Variants in CSMD1 observed in about 807,000 individuals in gnomAD.
CSMD1 encodes CUB and sushi domain-containing protein 1.
Under a neutral mutation model 417.5 loss-of-function variants are expected in CSMD1, and 213 were observed. The ratio of observed to expected loss-of-function variants is 0.51; its 90% CI spans 0.46 to 0.57. The LOEUF is 0.57. CSMD1 is among the 20% of genes least tolerant of loss of function. The pLI, the probability that CSMD1 is intolerant of heterozygous loss-of-function variation, is 0.00. For synonymous variants in CSMD1, 2,862 were observed against 1,736.8 expected (o/e 1.65, Z -16.11); for missense variants, 6,923 against 4,529.7 (o/e 1.53, Z -15.17).
At position 4,028,808 on chromosome 8, in the gene CSMD1, C is replaced by G. The variant is rs117296343; in HGVS notation, c.610+3097G>C. Among the ~76,000 whole-genome samples, 177 of 152,266 alleles carry G rather than the reference C, an allele frequency of 1.2e-3. 2 individuals carry two copies. The East Asian group carries it at 0.032, about 28-fold the overall frequency. On this transcript the variant is annotated intron_variant, in intron 4 of 69. Transcript: ENST00000635120. ...AAGTTTTTAGCAAATTTTCTGGCATCTCATTAAGACCTCAATAAATGTTAG... is the reference window on the plus strand; with the variant it reads ...AAGTTTTTAGCAAATTTTCTGGCATGTCATTAAGACCTCAATAAATGTTAG...
At chr8:3,168,714 CTG>C (rs1820389391) in intron 37 of CSMD1, among the ~76,000 whole-genome samples, 2 of 151,664 alleles carry the variant, frequency 1.3e-5, no homozygotes, top group Non-Finnish European at 2.9e-5. Context: ...AGAAAAGAAA[CTG>C]TTTTATTTAT....
intron 1 of CSMD1, among the ~76,000 whole-genome samples, chr8:4,780,958 C>A (rs949103789): frequency 6.6e-6 from 1 of 152,170 alleles, no homozygotes; most frequent in Non-Finnish European, 1.5e-5. Flanking sequence ...CAAGCAATGA[C>A]CTGTTTTTGT....
At chr8:3,808,964 C>T (rs1035759309) in intron 5 of CSMD1, among the ~76,000 whole-genome samples, 1 of 152,084 alleles carries the variant, frequency 6.6e-6, no homozygotes, top group African/African-American at 2.4e-5. Flanking sequence ...GCAAGAAGAG[C>T]CAAGGCACTG....
intron 50 of CSMD1, among the ~76,000 whole-genome samples, chr8:3,031,987 T>TACACAC: frequency 6.6e-6 from 1 of 150,800 alleles, no homozygotes; most frequent in South Asian, 2.1e-4. Flanking sequence ...TATATATATA[T>TACACAC]ATACACATAA....
intron 5 of CSMD1, among the ~76,000 whole-genome samples, chr8:3,925,314 T>C (rs1351893945): frequency 6.6e-6 from 1 of 152,252 alleles, no homozygotes; most frequent in Non-Finnish European, 1.5e-5. Flanking sequence ...CAGAGTAAAG[T>C]ACTTGTGCAT....
At chr8:4,439,568 A>G (rs1248945386) in intron 2 of CSMD1, among the ~76,000 whole-genome samples, 3 of 152,194 alleles carry the variant, frequency 2.0e-5, no homozygotes, top group African/African-American at 7.2e-5. Context: ...CTATCTGCTG[A>G]AAATACATAT....
intron 11 of CSMD1, among the ~76,000 whole-genome samples, chr8:3,473,952 A>G (rs1334102742): frequency 6.6e-6 from 1 of 152,114 alleles, no homozygotes; most frequent in Non-Finnish European, 1.5e-5. Flanking sequence ...TGAGGGAGGA[A>G]ATGTCAAACA....
Position 3,288,977 on chromosome 8 carries a change from T to G in CSMD1, c.3951-4631A>C, listed in dbSNP as rs1803353936. Among the ~76,000 whole-genome samples, 3 of 144,626 alleles carry G rather than the reference T, an allele frequency of 2.1e-5. No individual in the cohort carries two copies. The South Asian group carries it at 6.3e-4, about 30-fold the overall frequency. The allele number at this position is 144,626 out of a possible 152,430, so 94.9% of individuals were successfully genotyped here. A position where few individuals can be genotyped will look rare whatever the true frequency, so the allele number is the denominator to read the frequency against. ...ATCTCCTAATGCTATCCCTCCCCACTCCCCCTACCCCACAACAGTCCCCGG... is the reference window on the plus strand; with the variant it reads ...ATCTCCTAATGCTATCCCTCCCCACGCCCCCTACCCCACAACAGTCCCCGG... On this transcript the variant is annotated intron_variant, in intron 25 of 69. Coordinates refer to ENST00000635120, the MANE Select transcript of CSMD1 (RefSeq NM_033225.6).
At chr8:4,358,901 C>G (rs748440326) in intron 3 of CSMD1, among the ~76,000 whole-genome samples, 1 of 152,042 alleles carries the variant, frequency 6.6e-6, no homozygotes, top group African/African-American at 2.4e-5. Context: ...AACTACAGGA[C>G]AGTGAACCTT....
intron 5 of CSMD1, among the ~76,000 whole-genome samples, chr8:3,785,500 T>C (rs1395930487): frequency 1.3e-5 from 2 of 152,190 alleles, no homozygotes; most frequent in African/African-American, 4.8e-5. Flanking sequence ...GGAAAATACA[T>C]TAACGGCAGT....
intron 50 of CSMD1, among the ~76,000 whole-genome samples, chr8:3,041,390 C>T (rs1281221366): frequency 6.6e-6 from 1 of 151,996 alleles, no homozygotes; most frequent in African/African-American, 2.4e-5. Context: ...TAAAGAATCC[C>T]AGGTAATATC....
intron 18 of CSMD1, among the ~76,000 whole-genome samples, chr8:3,384,416 T>C (rs1201338498): frequency 6.6e-6 from 1 of 151,718 alleles, no homozygotes; most frequent in East Asian, 1.9e-4. Context: ...TAAGTTTCTG[T>C]ACAGACAAAG....
intron 8 of CSMD1, among the ~76,000 whole-genome samples, chr8:3,592,744 A>T (rs1800909123): frequency 6.6e-6 from 1 of 151,814 alleles, no homozygotes; most frequent in Non-Finnish European, 1.5e-5. Context: ...TTCCCCCTGT[A>T]TTTTACTAAA....
At chr8:3,198,449 G>C (rs1242037558) in intron 33 of CSMD1, among the ~76,000 whole-genome samples, 2 of 152,148 alleles carry the variant, frequency 1.3e-5, no homozygotes, top group Admixed American at 6.5e-5. Flanking sequence ...CTCTAATAAA[G>C]TCCATTTTTA....
At chr8:3,697,952 T>C (rs148196321) in intron 7 of CSMD1, among the ~76,000 whole-genome samples, 2 of 152,346 alleles carry the variant, frequency 1.3e-5, no homozygotes, top group African/African-American at 4.8e-5. Flanking sequence ...CTGAAACCAC[T>C]TGAAAAGCAT....
At chr8:3,334,850 C>A (rs180973165) in intron 23 of CSMD1, among the ~76,000 whole-genome samples, 57 of 152,352 alleles carry the variant, frequency 3.7e-4, no homozygotes, top group African/African-American at 1.1e-3. Context: ...ATCCACACTG[C>A]AGGTGGCAGC....
chr8:2,958,141 A>C (rs998327077), intron 62 of CSMD1, among the ~76,000 whole-genome samples: 2 of 152,028 alleles, frequency 1.3e-5, no homozygotes, highest in African/African-American at 4.8e-5. Flanking sequence ...TGCCACTCAC[A>C]TTTGAAACAA....
At chr8:3,966,508 C>T (rs1812686066) in intron 5 of CSMD1, among the ~76,000 whole-genome samples, 1 of 152,080 alleles carries the variant, frequency 6.6e-6, no homozygotes, top group African/African-American at 2.4e-5. Flanking sequence ...ACAGGAGAAT[C>T]AGTTCCTGGG....
intron 3 of CSMD1, among the ~76,000 whole-genome samples, chr8:4,109,674 A>G (rs1038724930): frequency 3.3e-5 from 5 of 152,188 alleles, no homozygotes; most frequent in Admixed American, 1.3e-4. Context: ...ATTATCATTA[A>G]ATAATTTTCA....
Sources: gnomAD v4.1 joint callset for allele counts (sites outside exome capture counted in the v4.1 genomes callset) on GRCh38, gnomAD v4.1.1 for gene constraint, MANE v1.5 for transcripts, NCBI Gene and HGNC (gene_info 2026-07-23, HGNC 2026-07-21) for gene names.